Variants in ZNF33A observed in about 807,000 individuals in gnomAD.
ZNF33A encodes brain my041 protein.
A neutral mutation model predicts 15.9 loss-of-function variants in ZNF33A; 9 were observed. The observed-to-expected ratio is 0.57, with a 90% CI of 0.34 to 0.99. The LOEUF (loss-of-function observed/expected upper bound fraction) is 0.99. Among genes scored for constraint, ZNF33A ranks in the 50% least tolerant of loss-of-function variants. The pLI, the probability that ZNF33A is intolerant of heterozygous loss-of-function variation, is 0.02. For synonymous variants in ZNF33A, 294 were observed against 324.2 expected (o/e 0.91, Z 1.00); for missense variants, 843 against 941.6 (o/e 0.90, Z 1.37).
chr10:38,016,015 T>C (rs1478031171), intron 2 of ZNF33A: 5 of 1,231,568 alleles, frequency 4.1e-6, no homozygotes, highest in Middle Eastern at 3.1e-4. Context: ...AACAATCCAA[T>C]TGGATGTCTT....
chr10:38,063,115 A>G (rs1453458130), downstream of ZNF33A, among the ~76,000 whole-genome samples: 1 of 151,982 alleles, frequency 6.6e-6, no homozygotes, highest in Admixed American at 6.6e-5. Flanking sequence ...CTAAAGCAAA[A>G]TGCAACTGTG....
rs372352368 is a variant in ZNF33A at position 38,056,397 on chromosome 10, T to C, written c.2273T>C (p.Phe758Ser). 1.2e-6 allele frequency: 2 copies of C among 1,613,990 alleles called. No individual in the cohort carries two copies. Among genetic ancestry groups the C allele is most frequent in the Non-Finnish European group, 1.7e-6 (2 of 1,179,984 alleles). The change falls in exon 5 of 5, where the codon TTC becomes TCC. Residue 758 changes from phenylalanine to serine, a missense_variant. By Grantham distance (155) the Phe-to-Ser change is radical. Coordinates refer to ENST00000432900, the MANE Select transcript of ZNF33A (RefSeq NM_006954.2). Reference protein sequence around the residue: ...PYECNTCRKTFSQKSNLIVHQ... With the variant: ...PYECNTCRKTSSQKSNLIVHQ... ...GAATGTAACACATGCAGGAAAACTT[T>C]CTCTCAAAAGTCAAATCTCATTGTA...
intron 2 of ZNF33A, among the ~76,000 whole-genome samples, chr10:38,015,730 G>A (rs1160092452): frequency 1.3e-5 from 2 of 152,216 alleles, no homozygotes; most frequent in South Asian, 4.1e-4. Flanking sequence ...CTGGGCAGCT[G>A]TGCATGGAGA....
In ZNF33A at chr10:38,025,965, A is replaced by G. The variant is rs1363062487; in HGVS notation, c.250+8579A>G. 3.3e-5 allele frequency among the ~76,000 whole-genome samples: 5 copies of G among 152,124 alleles called. No individual in the cohort carries two copies. In the South Asian group the frequency reaches 8.3e-4, roughly 25 times the overall value. On this transcript the variant is annotated intron_variant, in intron 4 of 4. Coordinates refer to ENST00000432900, the MANE Select transcript of ZNF33A (RefSeq NM_006954.2). ...TCCTGCCAGCCTATGGTAACCCCTT[A>G]TCTAGTTTGTCTCTGTGAGTTTTGA...
Position 38,056,295 on chromosome 10 carries a change from A to G in ZNF33A, c.2171A>G (p.Asn724Ser), listed in dbSNP as rs144848831. The change falls in exon 5 of 5, where the codon AAT becomes AGT. Residue 724 changes from asparagine (N) to serine (S), a missense_variant. Transcript: ENST00000432900. The stretch of plus-strand genomic sequence containing the variant: ...ACAGGAGAGAAATCTTGTCAATGTA[A>G]TGAATGTGGAAAAATCTTTTACCGT... Reference protein sequence around the residue: ...AHTGEKSCQCNECGKIFYRKS... With the variant: ...AHTGEKSCQCSECGKIFYRKS... The G allele has an allele frequency of 5.0e-6, 8 of 1,614,150 alleles. No homozygotes were observed. The highest frequency in any genetic ancestry group is 6.8e-6 in the Non-Finnish European group (8 of 1,179,980).
intron 4 of ZNF33A, among the ~76,000 whole-genome samples, chr10:38,048,473 A>G (rs1380843361): frequency 6.6e-6 from 1 of 151,666 alleles, no homozygotes; most frequent in Non-Finnish European, 1.5e-5. Context: ...TAAATGGTCT[A>G]AAACACCCCA....
intron 4 of ZNF33A, among the ~76,000 whole-genome samples, chr10:38,032,175 C>T (rs2065242593): frequency 6.6e-6 from 1 of 151,770 alleles, no homozygotes; most frequent in African/African-American, 2.4e-5. Flanking sequence ...TGTGTGCAGA[C>T]AATTTGATTA....
chr10:38,013,570 T>C (rs1056643452), intron 2 of ZNF33A, among the ~76,000 whole-genome samples: 46 of 151,782 alleles, frequency 3.0e-4, no homozygotes, highest in Admixed American at 9.2e-4. Context: ...GTGATTCTCC[T>C]GCCTCAACCT....
Position 38,056,891 on chromosome 10 carries a change from A to T in ZNF33A, c.*331A>T. 1.0e-6 allele frequency: 1 copy of T among 994,854 alleles called. No homozygotes were observed. The highest frequency in any genetic ancestry group is 1.2e-6 in the Non-Finnish European group (1 of 826,442). 61.6% of individuals were successfully genotyped at this position (994,854 alleles called of 1,614,324 possible). ...TAGGGCACCTAACAATAATTTATAG[A>T]TGTATATTGTGGAATGTAAAGCTTT... On this transcript the variant is annotated 3_prime_UTR_variant, in exon 5 of 5. Transcript: ENST00000432900.
chr10:38,010,748 T>A lies in ZNF33A; in HGVS notation c.-80T>A. On this transcript the variant is annotated 5_prime_UTR_variant, in exon 1 of 5. Transcript: ENST00000432900. ...CCCGGGATTTCAAGGGTCTACGCGC[T>A]TTTCTATGGCGAATGCAACCCGACG... 1 of 1,598,428 alleles carries A rather than the reference T, an allele frequency of 6.3e-7. No individual in the cohort carries two copies. The highest frequency in any genetic ancestry group is 8.5e-7 in the Non-Finnish European group (1 of 1,179,804).
chr10:38,056,483 C>T lies in ZNF33A; in HGVS notation c.2359C>T (p.Pro787Ser). 6.2e-7 allele frequency: 1 copy of T among 1,612,976 alleles called. No homozygotes were observed. Among genetic ancestry groups the T allele is most frequent in the Middle Eastern group, 1.7e-4 (1 of 6,054 alleles). The part of the protein sequence containing the change: ...MNEMDIRNFQ[P>S]QVSLHNASEY... ...TGAAATGGATATTAGAAATTTCCAG[C>T]CACAAGTCAGCCTCCATAATGCCTC... Residue 787 changes from proline to serine, a missense_variant, in exon 5 of 5, where the codon CCA (proline) becomes TCA (serine). Pro to Ser is a moderately conservative substitution (Grantham distance 74). Coordinates refer to ENST00000432900, the MANE Select transcript of ZNF33A (RefSeq NM_006954.2).
intron 4 of ZNF33A, among the ~76,000 whole-genome samples, chr10:38,046,596 A>G (rs2065956573): frequency 1.3e-5 from 2 of 152,240 alleles, no homozygotes; most frequent in South Asian, 4.1e-4. Flanking sequence ...CCAACCAAGT[A>G]AAACTCTCAG....
At chr10:38,065,982 G>C (rs780653005), downstream of ZNF33A, among the ~76,000 whole-genome samples, 8 of 152,096 alleles carry the variant, frequency 5.3e-5, no homozygotes, top group Non-Finnish European at 1.0e-4. Context: ...GTGAGCCACT[G>C]CCCCTGGCCT....
intron 4 of ZNF33A, chr10:38,039,505 G>A (rs1167287324): frequency 2.2e-6 from 1 of 456,046 alleles, no homozygotes; most frequent in Non-Finnish European, 4.4e-6. Context: ...AGGATTACAG[G>A]CATGAGCCAC....
At chr10:38,065,622 A>G (rs1488302969), downstream of ZNF33A, among the ~76,000 whole-genome samples, 2 of 151,944 alleles carry the variant, frequency 1.3e-5, no homozygotes, top group Non-Finnish European at 2.9e-5. Flanking sequence ...CTCATTCTAC[A>G]TGGTTTCTTG....
intron 4 of ZNF33A, among the ~76,000 whole-genome samples, chr10:38,023,248 G>C (rs1229282059): frequency 6.6e-6 from 1 of 152,050 alleles, no homozygotes; most frequent in East Asian, 1.9e-4. Context: ...CCGGCCAAGA[G>C]GGAACATTTC....
chr10:38,012,669 C>T (rs1247704046), intron 2 of ZNF33A, among the ~76,000 whole-genome samples: 2 of 152,120 alleles, frequency 1.3e-5, no homozygotes, highest in Admixed American at 6.6e-5. Flanking sequence ...TGAGCTCAGT[C>T]AATCCGCCCG....
intron 4 of ZNF33A, among the ~76,000 whole-genome samples, chr10:38,045,480 T>G (rs1162429102): frequency 1.3e-5 from 2 of 152,198 alleles, no homozygotes; most frequent in Non-Finnish European, 2.9e-5. Context: ...CTTGTTAAAT[T>G]TGGGTTCCTT....
intron 4 of ZNF33A, among the ~76,000 whole-genome samples, chr10:38,021,748 C>G (rs1202394346): frequency 6.6e-6 from 1 of 152,076 alleles, no homozygotes; most frequent in Admixed American, 6.6e-5. Context: ...ATAAATAAGC[C>G]TTGGCAGATT....
Sources: allele counts gnomAD v4.1 joint callset (sites outside exome capture counted in the v4.1 genomes callset), GRCh38; gene constraint gnomAD v4.1.1; transcripts MANE v1.5; gene names NCBI Gene and HGNC (gene_info 2026-07-23, HGNC 2026-07-21).